Variants in AIFM3 observed in about 807,000 individuals in gnomAD.
AIFM3 encodes apoptosis-inducing factor 3.
AIFM3 carries 71 observed loss-of-function variants against 82.7 expected under a neutral mutation model. The ratio of observed to expected loss-of-function variants is 0.86; its 90% CI spans 0.71 to 1.05. The LOEUF (loss-of-function observed/expected upper bound fraction) is 1.05, where lower values mean the gene tolerates loss of function less well. AIFM3 is among the 50% of genes least tolerant of loss of function. The pLI is 0.00. For synonymous variants in AIFM3, 337 were observed against 329.1 expected (o/e 1.02, Z -0.26); for missense variants, 748 against 816.7 (o/e 0.92, Z 1.03).
At position 20,979,673 on chromosome 22, in the gene AIFM3, G is replaced by A. The variant is rs1923957265; in HGVS notation, c.1623G>A (p.Glu541=). Residue 541 remains glutamate, a synonymous_variant, in exon 18 of 21, where the codon GAG becomes GAA. Transcript: ENST00000440238. ...ACGTCATCATCCAGGGGGATCTGGA[G>A]GAGCTGAAGTTTGTGGCTTTTTACA... ...FDDVIIQGDL[E]ELKFVAFYTK... is the part of the protein sequence containing the mutation. The A allele has an allele frequency of 6.2e-7, 1 of 1,614,124 alleles. No individual in the cohort carries two copies. The highest frequency in any genetic ancestry group is 8.5e-7 in the Non-Finnish European group (1 of 1,180,046).
chr22:20,977,200 A>G (rs1923743216), intron 14 of AIFM3, 105 bp downstream of exon 14: 2 of 1,487,798 alleles, frequency 1.3e-6, no homozygotes, highest in East Asian at 4.8e-5. Flanking sequence ...CTCAGTTTCC[A>G]CCACATCTGT....
intron 4 of AIFM3, 58 bp from the exon 5 acceptor site, chr22:20,974,005 G>A: frequency 2.6e-6 from 4 of 1,537,482 alleles, no homozygotes; most frequent in Non-Finnish European, 1.8e-6. Flanking sequence ...CCGGGGCACT[G>A]AGATCCTTGG....
chr22:20,980,568 T>C, intron 19 of AIFM3, 179 bp from the exon 20 acceptor site: 1 of 728,196 alleles, frequency 1.4e-6, no homozygotes, highest in Non-Finnish European at 2.4e-6. Flanking sequence ...GTGGTGTCAA[T>C]GAGATTCACC....
In AIFM3 at chr22:20,976,640, C is replaced by T. The variant is rs756565479; in HGVS notation, c.1031-11C>T. 3.7e-6 allele frequency: 6 copies of T among 1,610,936 alleles called. No individual in the cohort carries two copies. Among genetic ancestry groups the T allele is most frequent in the Middle Eastern group, 1.7e-4 (1 of 6,058 alleles). ...GCAGGTGCCAGCCTGCCACCCCCTG[C>T]CCATCACCAGGGATGGAGGTGGCCG... is the stretch of plus-strand genomic sequence containing the variant. On this transcript the variant is annotated splice_polypyrimidine_tract_variant and intron_variant, in intron 11 of 20. Transcript: ENST00000440238.
Position 20,977,902 on chromosome 22 carries a change from T to C in AIFM3, c.1374T>C (p.Asn458=), listed in dbSNP as rs757837810. ...FIPVNKMMQT[N]VPGVFAAGDA... The stretch of plus-strand genomic sequence containing the variant: ...TCTCTCTACAGATGATGCAGACCAA[T>C]GTCCCAGGCGTGTTTGCAGCTGGCG... The change falls in exon 16 of 21, where the codon AAT becomes AAC. Residue 458 remains asparagine, a synonymous_variant. Coordinates refer to ENST00000440238, the MANE Select transcript of AIFM3 (RefSeq NM_001386814.1). The C allele has an allele frequency of 2.5e-6, 4 of 1,614,022 alleles. No homozygotes were observed. Among genetic ancestry groups the C allele is most frequent in the Admixed American group, 1.7e-5 (1 of 60,000 alleles).
In AIFM3 at chr22:20,978,007, T is replaced by C. The variant is rs200377534; in HGVS notation, c.1477+2T>C. The C allele has an allele frequency of 1.2e-4, 186 of 1,613,744 alleles. No individual in the cohort carries two copies. The highest frequency in any genetic ancestry group is 1.1e-4 in the Non-Finnish European group (134 of 1,179,796). On this transcript the variant is annotated splice_donor_variant, in intron 16 of 20. Coordinates refer to ENST00000440238, the MANE Select transcript of AIFM3 (RefSeq NM_001386814.1). LOFTEE classifies it high-confidence loss of function. ...ATTGGCAGATGGCTCATGCTCAGGG[T>C]ATGGCCAGTCCCGAGGCACATGGAG...
rs777993611 is a variant in AIFM3, at chr22:20,974,800, G to A, written c.704G>A (p.Arg235His). ...CTAGACCGGCACCTTCCCTACGACC[G>A]TCCCAAGCTCAGCAAGGTACAGGGG... ...CTLDRHLPYDRPKLSKSLDTQ... is the reference protein window; with the variant it reads ...CTLDRHLPYDHPKLSKSLDTQ... Residue 235 changes from arginine to histidine, a missense_variant, in exon 8 of 21, where the codon CGT (arginine) becomes CAT (histidine). Physicochemically the swap from Arg to His is conservative, Grantham distance 29. Around this residue, in one of 5 missense-constraint regions of AIFM3, gnomAD observed 393 missense variants for 481.1 expected, o/e 0.82. Coordinates refer to ENST00000440238, the MANE Select transcript of AIFM3 (RefSeq NM_001386814.1). 28 of 1,612,436 alleles carry A rather than the reference G, an allele frequency of 1.7e-5. 1 individual carries two copies. The South Asian group carries it at 2.9e-4, about 16-fold the overall frequency.
intron 1 of AIFM3, among the ~76,000 whole-genome samples, 151 bp downstream of exon 1, chr22:20,967,454 G>A (rs1482864813): frequency 6.6e-6 from 1 of 152,194 alleles, no homozygotes; most frequent in Non-Finnish European, 1.5e-5. Flanking sequence ...GGTCTCCCGG[G>A]AGAATGGAGG....
rs779484199 is a variant in AIFM3, at chr22:20,973,415, G to T, written c.140G>T (p.Arg47Leu). ...GCCTACCAGGGCAATGGCACGGCCC[G>T]CCACTTCCACACGGAGGAGCGCCTG... ...PRAYQGNGTA[R>L]HFHTEERLST... The change falls in exon 3 of 21, where the codon CGC becomes CTC. Residue 47 changes from arginine to leucine, a missense_variant. Arg to Leu is a moderately radical substitution (Grantham distance 102, BLOSUM62 -2). This residue lies in a region of AIFM3 where 148 missense variants were observed against 134.1 expected (regional missense o/e 1.10). Transcript: ENST00000440238. 9 of 1,612,832 alleles carry T rather than the reference G, an allele frequency of 5.6e-6. No homozygotes were observed. Among genetic ancestry groups the T allele is most frequent in the Non-Finnish European group, 7.6e-6 (9 of 1,179,958 alleles).
chr22:20,968,642 C>T (rs928880856), intron 2 of AIFM3, among the ~76,000 whole-genome samples: 5 of 152,284 alleles, frequency 3.3e-5, no homozygotes, highest in East Asian at 1.9e-4. Flanking sequence ...CTCATGTCTG[C>T]GGAGCTCTCC....
rs1601711572 is a variant in AIFM3, at chr22:20,980,184, T to G, written c.1757+60T>G. On this transcript the variant is annotated intron_variant, in intron 19 of 20. Transcript: ENST00000440238. ...TAGTTCCCTGGAGTACTGGCTAAGGTGCCTATGACAGCCAGCCGCCCCCAC... is the reference window on the plus strand; with the variant it reads ...TAGTTCCCTGGAGTACTGGCTAAGGGGCCTATGACAGCCAGCCGCCCCCAC... The G allele has an allele frequency of 4.0e-6, 6 of 1,518,084 alleles. No homozygotes were observed. The East Asian group carries it at 1.4e-4, about 35-fold the overall frequency. 94.0% of individuals were successfully genotyped at this position (1,518,084 alleles called of 1,614,324 possible).
chr22:20,980,191 G>A (rs1417752077), intron 19 of AIFM3, 67 bp downstream of exon 19: 10 of 1,468,418 alleles, frequency 6.8e-6, no homozygotes, highest in Admixed American at 1.9e-5. Context: ...AGGTGCCTAT[G>A]ACAGCCAGCC....
chr22:20,968,130 G>A (rs80026024), intron 2 of AIFM3, among the ~76,000 whole-genome samples, 155 bp downstream of exon 2: 2 of 152,212 alleles, frequency 1.3e-5, no homozygotes, highest in African/African-American at 2.4e-5. Context: ...CCGCCAGGAG[G>A]GGGTAGGGGG....
Position 20,973,884 on chromosome 22 carries a change from G to A in AIFM3, c.355+17G>A, listed in dbSNP as rs750729885. 1 of 1,510,046 alleles carries A rather than the reference G, an allele frequency of 6.6e-7. No homozygotes were observed. The highest frequency in any genetic ancestry group is 2.1e-5 in the Admixed American group (1 of 47,170). The allele number at this position is 1,510,046 out of a possible 1,614,324, so 93.5% of individuals were successfully genotyped here. On this transcript the variant is annotated intron_variant, in intron 4 of 20. Coordinates refer to ENST00000440238, the MANE Select transcript of AIFM3 (RefSeq NM_001386814.1). ...TGGTGAAAGGTGAGCTGTCAGGTGG[G>A]AGGCGTGAGGGGGACCTTCCAGGCC...
chr22:20,980,156 G>GA, intron 19 of AIFM3, 32 bp downstream of exon 19: 1 of 1,594,926 alleles, frequency 6.3e-7, no homozygotes, highest in Non-Finnish European at 8.5e-7. Context: ...CTGGGGGTGG[G>GA]AGTAGTTCCC....
At position 20,974,524 on chromosome 22, in the gene AIFM3, G is replaced by A; in HGVS notation, c.511-1G>A. Reference sequence around the variant, plus strand: ...ACCCTCCACCCTCCTGGCACCCACAGGCCCTACAGCTGCAGCGAAGGACCA... The same window carrying A: ...ACCCTCCACCCTCCTGGCACCCACAAGCCCTACAGCTGCAGCGAAGGACCA... On this transcript the variant is annotated splice_acceptor_variant, in intron 6 of 20. Transcript: ENST00000440238. LOFTEE classifies it high-confidence loss of function. 1 of 1,610,976 alleles carries A rather than the reference G, an allele frequency of 6.2e-7. No individual in the cohort carries two copies. Among genetic ancestry groups the A allele is most frequent in the Non-Finnish European group, 8.5e-7 (1 of 1,178,852 alleles).
chr22:20,979,979 C>A, intron 18 of AIFM3, 41 bp from the exon 19 acceptor site: 1 of 1,575,186 alleles, frequency 6.3e-7, no homozygotes. Flanking sequence ...AAAGGGGCTG[C>A]TGCCTCGCAG....
At chr22:20,977,255 G>A (rs1299454222) in intron 14 of AIFM3, 160 bp downstream of exon 14, 1 of 1,055,296 alleles carries the variant, frequency 9.5e-7, no homozygotes, top group East Asian at 2.6e-5. Flanking sequence ...AGCTGTTGGG[G>A]AAGGTATGTA....
chr22:20,973,968 T>G, intron 4 of AIFM3, 95 bp from the exon 5 acceptor site: 2 of 1,490,788 alleles, frequency 1.3e-6, no homozygotes, highest in South Asian at 2.6e-5. Flanking sequence ...TGAAGTCTCC[T>G]GGGCTGTGGG....
Sources: allele counts gnomAD v4.1 joint callset (sites outside exome capture counted in the v4.1 genomes callset), GRCh38; gene constraint gnomAD v4.1.1; regional missense constraint gnomAD v4.1.1; transcripts MANE v1.5; gene names NCBI Gene and HGNC (gene_info 2026-07-23, HGNC 2026-07-21).